The following CHCHD6 variants were observed in gnomAD, a reference collection of about 807,000 sequenced individuals.
CHCHD6 encodes coiled-coil-helix-coiled-coil-helix domain containing 6, also known as MICOS complex subunit MIC25.
Under a neutral mutation model 32.3 loss-of-function variants are expected in CHCHD6, and 28 were observed. The observed-to-expected ratio is 0.87, with a 90% CI of 0.64 to 1.19. CHCHD6 has a LOEUF of 1.19. CHCHD6 is among the 50% of genes most tolerant of loss of function. CHCHD6 has a pLI of 0.00. For synonymous variants in CHCHD6, 122 were observed against 117.5 expected, an observed-to-expected ratio of 1.04 and a Z score of -0.25; for missense variants, 333 against 307.0, an observed-to-expected ratio of 1.08 and a Z score of -0.63.
intron 6 of CHCHD6, among the ~76,000 whole-genome samples, chr3:126,944,432 C>A (rs752186151): frequency 2.6e-5 from 4 of 152,260 alleles, no homozygotes; most frequent in Non-Finnish European, 5.9e-5. Context: ...GCATAGTATT[C>A]TGTGAGGACC....
At position 126,960,200 on chromosome 3, in the gene CHCHD6, G is replaced by A. The variant is rs757873828; in HGVS notation, c.707G>A (p.Ter236=). Residue 236 remains the stop codon, a stop_retained_variant, in exon 8 of 8, where the codon TGA becomes TAA. Coordinates refer to ENST00000290913, the MANE Select transcript of CHCHD6 (RefSeq NM_032343.3). The part of the protein sequence containing the change: ...QRCVSAAHKG[*] ...TCTGACCTGTTCTCTTTGTAGGGCT[G>A]AGGAGCAGACATCATTCCCTGCCCT... The A allele has an allele frequency of 1.9e-6, 3 of 1,551,488 alleles. No homozygotes were observed. The highest frequency in any genetic ancestry group is 2.6e-6 in the Non-Finnish European group (3 of 1,146,864).
In CHCHD6 at chr3:126,863,062, TCCA is replaced by T. The variant is rs1266785648; in HGVS notation, c.495+10336_495+10338del. On this transcript the variant is annotated intron_variant, in intron 5 of 7. Transcript: ENST00000290913. Reference sequence around the variant, plus strand: ...CACCATCACCACCTCCTCCTCCTCCTCCACCATCATCACCTCCTCCTCCTCCTC... The same window carrying T: ...CACCATCACCACCTCCTCCTCCTCCTCCATCATCACCTCCTCCTCCTCCTC... Among the ~76,000 whole-genome samples, 18 of 38,438 alleles carry T rather than the reference TCCA, an allele frequency of 4.7e-4. 1 individual carries two copies. The highest frequency in any genetic ancestry group is 7.8e-4 in the Admixed American group (3 of 3,868). 25.2% of individuals were successfully genotyped at this position (38,438 alleles called of 152,430 possible).
intron 5 of CHCHD6, among the ~76,000 whole-genome samples, chr3:126,890,911 A>G (rs965992083): frequency 1.6e-4 from 24 of 152,152 alleles, no homozygotes; most frequent in Admixed American, 3.9e-4. Context: ...TGGAGATGGG[A>G]AGGCATTGAA....
chr3:126,917,612 G>C (rs2078190326), intron 6 of CHCHD6, among the ~76,000 whole-genome samples: 2 of 152,204 alleles, frequency 1.3e-5, no homozygotes, highest in Admixed American at 1.3e-4. Flanking sequence ...GTCAACAACT[G>C]TTGTTGATAT....
chr3:126,750,556 C>A (rs1182328925), intron 4 of CHCHD6, among the ~76,000 whole-genome samples: 1 of 152,214 alleles, frequency 6.6e-6, no homozygotes, highest in African/African-American at 2.4e-5. Context: ...GGAGGTCAAG[C>A]CAGCGTGGCC....
At chr3:126,872,886 A>G (rs573787307) in intron 5 of CHCHD6, among the ~76,000 whole-genome samples, 7 of 152,184 alleles carry the variant, frequency 4.6e-5, no homozygotes, top group East Asian at 1.9e-4. Context: ...TCTCACCGCA[A>G]TTCTCCTCTG....
At chr3:126,829,622 G>C (rs1252369436) in intron 4 of CHCHD6, among the ~76,000 whole-genome samples, 2 of 151,902 alleles carry the variant, frequency 1.3e-5, no homozygotes, top group Non-Finnish European at 2.9e-5. Flanking sequence ...GGGCCTCCAT[G>C]GTAGGATTAG....
At chr3:126,774,816 A>G (rs1392332594) in intron 4 of CHCHD6, among the ~76,000 whole-genome samples, 3 of 152,072 alleles carry the variant, frequency 2.0e-5, no homozygotes, top group Admixed American at 1.3e-4. Context: ...CTAAAAGTTT[A>G]CTGTCTAAAT....
chr3:126,946,464 G>A (rs989420062), intron 6 of CHCHD6, among the ~76,000 whole-genome samples: 70 of 152,178 alleles, frequency 4.6e-4, no homozygotes, highest in Admixed American at 6.5e-4. Flanking sequence ...CCAGGGGCTC[G>A]TTTGTGTCTC....
intron 5 of CHCHD6, among the ~76,000 whole-genome samples, chr3:126,888,894 T>C (rs1349129701): frequency 6.6e-6 from 1 of 152,182 alleles, no homozygotes; most frequent in Non-Finnish European, 1.5e-5. Flanking sequence ...AGTCAACCCC[T>C]CATCCCTGTG....
chr3:126,728,028 G>A (rs1018916886), intron 2 of CHCHD6, among the ~76,000 whole-genome samples: 2 of 151,254 alleles, frequency 1.3e-5, no homozygotes, highest in African/African-American at 4.9e-5. Flanking sequence ...AGGACCGACT[G>A]TTCAGGTGGA....
At chr3:126,913,298 C>T (rs1372366609) in intron 5 of CHCHD6, among the ~76,000 whole-genome samples, 1 of 124,468 alleles carries the variant, frequency 8.0e-6, no homozygotes, top group East Asian at 2.7e-4. Flanking sequence ...GGCACAATCT[C>T]GGCTTACTGT....
chr3:126,850,262 T>C (rs922280210), intron 4 of CHCHD6, among the ~76,000 whole-genome samples: 1 of 152,244 alleles, frequency 6.6e-6, no homozygotes, highest in Non-Finnish European at 1.5e-5. Flanking sequence ...CACGGAGTTT[T>C]CATTCAAGTG....
At chr3:126,884,163 G>A (rs1165964236) in intron 5 of CHCHD6, among the ~76,000 whole-genome samples, 1 of 152,214 alleles carries the variant, frequency 6.6e-6, no homozygotes, top group African/African-American at 2.4e-5. Context: ...GCACTGGCCA[G>A]CTCCAAGCCC....
At chr3:126,733,642 G>T (rs544179548) in intron 4 of CHCHD6, among the ~76,000 whole-genome samples, 1 of 152,168 alleles carries the variant, frequency 6.6e-6, no homozygotes, top group Admixed American at 6.5e-5. Flanking sequence ...GGCAGGTTGG[G>T]TGCAAATCCT....
chr3:126,865,143 ACCTCCTTTT>A (rs1942238461), intron 5 of CHCHD6, among the ~76,000 whole-genome samples: 1 of 28,428 alleles, frequency 3.5e-5, no homozygotes, highest in Non-Finnish European at 9.3e-5. Context: ...CTCCACCACC[ACCTCCTTTT>A]CCACCACCTC....
intron 5 of CHCHD6, among the ~76,000 whole-genome samples, chr3:126,856,547 C>G (rs189227706): frequency 1.8e-4 from 28 of 152,332 alleles, no homozygotes; most frequent in African/African-American, 6.3e-4. Flanking sequence ...GGCTCCAGAG[C>G]CTTTGCTCAG....
intron 5 of CHCHD6, among the ~76,000 whole-genome samples, chr3:126,891,340 A>G (rs1210069206): frequency 6.6e-6 from 1 of 152,190 alleles, no homozygotes; most frequent in African/African-American, 2.4e-5. Flanking sequence ...ATCCTTGAGC[A>G]GAAGGCAGAG....
chr3:126,766,505 G>A lies in CHCHD6; in HGVS notation c.411+33283G>A, dbSNP rs921358907. The A allele has an allele frequency of 4.2e-5, 32 of 766,792 alleles. No homozygotes were observed. The African/African-American group carries it at 4.4e-4, about 11-fold the overall frequency. The allele number at this position is 766,792 out of a possible 1,614,324, so 47.5% of individuals were successfully genotyped here. A position where few individuals can be genotyped will look rare whatever the true frequency, so the allele number is the denominator to read the frequency against. ...TTCTCGGTCTCACTTTTGTCTCTTG[G>A]TGTCACCAAAGAGTGTGAGTAGCCC... On this transcript the variant is annotated intron_variant, in intron 4 of 7. Coordinates refer to ENST00000290913, the MANE Select transcript of CHCHD6 (RefSeq NM_032343.3).
Sources: gnomAD v4.1 joint callset for allele counts (sites outside exome capture counted in the v4.1 genomes callset) on GRCh38, gnomAD v4.1.1 for gene constraint, MANE v1.5 for transcripts, NCBI Gene and HGNC (gene_info 2026-07-23, HGNC 2026-07-21) for gene names.